Variants in OCIAD1 observed in about 807,000 individuals in gnomAD.
OCIAD1 encodes OCIA domain containing 1.
A neutral mutation model predicts 38.9 loss-of-function variants in OCIAD1; 29 were observed. That is an observed-to-expected ratio of 0.74 (90% CI 0.55 to 1.02). The LOEUF (loss-of-function observed/expected upper bound fraction) is 1.02. OCIAD1 is among the 50% of genes least tolerant of loss of function. The pLI is 0.00. For synonymous variants in OCIAD1, 110 were observed against 92.0 expected (o/e 1.20, Z -1.12); for missense variants, 288 against 289.6 (o/e 0.99, Z 0.04).
chr4:48,853,062 G>A (rs548593666), intron 7 of OCIAD1, among the ~76,000 whole-genome samples: 3 of 151,886 alleles, frequency 2.0e-5, no homozygotes, highest in Admixed American at 1.3e-4. Context: ...TGTATTTTTA[G>A]TAGAGATGGG....
chr4:48,833,571 C>T (rs549261488), intron 3 of OCIAD1, 90 bp downstream of exon 3: 24 of 773,294 alleles, frequency 3.1e-5, no homozygotes, highest in Middle Eastern at 2.4e-4. Flanking sequence ...ATAATAACTC[C>T]GTATAGAACA....
At chr4:48,821,209 A>G (rs1777191585) in intron 1 of OCIAD1, among the ~76,000 whole-genome samples, 1 of 152,216 alleles carries the variant, frequency 6.6e-6, no homozygotes, top group Non-Finnish European at 1.5e-5. Context: ...ACCACGATCA[A>G]GTCGACTTTA....
chr4:48,817,534 A>G (rs1777155233), intron 1 of OCIAD1, among the ~76,000 whole-genome samples: 1 of 152,092 alleles, frequency 6.6e-6, no homozygotes, highest in Non-Finnish European at 1.5e-5. Context: ...CTGCAGAAGT[A>G]TTTTTTCATA....
chr4:48,805,746 A>G (rs1777017981), intron 1 of OCIAD1, among the ~76,000 whole-genome samples: 1 of 151,808 alleles, frequency 6.6e-6, no homozygotes, highest in South Asian at 2.1e-4. Context: ...TTTCCTTTGT[A>G]TTCTATATTC....
chr4:48,854,497 A>G (rs1779828451), intron 7 of OCIAD1, among the ~76,000 whole-genome samples: 1 of 152,242 alleles, frequency 6.6e-6, no homozygotes, highest in Admixed American at 6.5e-5. Flanking sequence ...CTAGACATGC[A>G]CTAACTCTTT....
At chr4:48,819,739 A>AAAAAAAAT in intron 1 of OCIAD1, among the ~76,000 whole-genome samples, 1 of 147,336 alleles carries the variant, frequency 6.8e-6, no homozygotes, top group Non-Finnish European at 1.5e-5. Flanking sequence ...AAAAAAAAAA[A>AAAAAAAAT]AAAAAGGAGG....
At chr4:48,835,016 A>G (rs958541076) in intron 3 of OCIAD1, among the ~76,000 whole-genome samples, 2 of 152,090 alleles carry the variant, frequency 1.3e-5, no homozygotes, top group African/African-American at 4.8e-5. Flanking sequence ...TCACGTCAAC[A>G]TCCTTCTCCT....
intron 7 of OCIAD1, among the ~76,000 whole-genome samples, chr4:48,855,117 A>G (rs547604178): frequency 3.6e-4 from 55 of 152,372 alleles, no homozygotes; most frequent in African/African-American, 1.3e-3. Flanking sequence ...AAGAAAAAGT[A>G]TTAGACCTGG....
chr4:48,838,623 A>G (rs1222311446), intron 3 of OCIAD1, among the ~76,000 whole-genome samples: 2 of 152,248 alleles, frequency 1.3e-5, no homozygotes, highest in Non-Finnish European at 2.9e-5. Flanking sequence ...TAGATAGTCT[A>G]TGCTGTATGT....
chr4:48,852,105 G>T, intron 7 of OCIAD1, 130 bp downstream of exon 7: 1 of 671,818 alleles, frequency 1.5e-6, no homozygotes. Flanking sequence ...AACTCAGCAT[G>T]TTTGTTCATT....
At chr4:48,811,925 T>C (rs1278778565) in intron 1 of OCIAD1, among the ~76,000 whole-genome samples, 3 of 151,976 alleles carry the variant, frequency 2.0e-5, no homozygotes, top group Non-Finnish European at 4.4e-5. Context: ...AAGTTTGAGA[T>C]GCAAATTAGA....
At chr4:48,849,527 A>G (rs1355475397) in intron 5 of OCIAD1, among the ~76,000 whole-genome samples, 5 of 152,130 alleles carry the variant, frequency 3.3e-5, no homozygotes, top group Non-Finnish European at 7.4e-5. Flanking sequence ...TGTGCATATG[A>G]TATTCTGTTT....
At chr4:48,851,745 ACTT>A (rs1315376174) in intron 6 of OCIAD1, 58 bp from the exon 7 acceptor site, 5 of 898,216 alleles carry the variant, frequency 5.6e-6, no homozygotes, top group Non-Finnish European at 8.6e-6. Context: ...TTATTTTAAC[ACTT>A]CTTTAAGATA....
At chr4:48,822,208 C>T (rs1464836093) in intron 1 of OCIAD1, among the ~76,000 whole-genome samples, 7 of 152,048 alleles carry the variant, frequency 4.6e-5, no homozygotes, top group East Asian at 1.9e-4. Context: ...TATAGACAAA[C>T]GGAACAGAAC....
At chr4:48,819,372 C>A (rs1383187916) in intron 1 of OCIAD1, among the ~76,000 whole-genome samples, 1 of 152,110 alleles carries the variant, frequency 6.6e-6, no homozygotes, top group Admixed American at 6.6e-5. Context: ...ACCACTAGGT[C>A]TGCCTTACAA....
In OCIAD1 at chr4:48,851,945, C is replaced by T. The variant is rs1779519836; in HGVS notation, c.517C>T (p.Pro173Ser). Residue 173 changes from proline to serine, a missense_variant, in exon 7 of 9, where the codon CCC becomes TCC. Physicochemically the swap from Pro to Ser is moderately conservative, Grantham distance 74 (BLOSUM62 -1). Transcript: ENST00000264312. ...CAGTTCTTCTATGAATGAATCTGCT[C>T]CCACTGGTATTACTGATCATATTGT... ...PFSSSMNESA[P>S]TGITDHIVQG... 1 of 1,608,640 alleles carries T rather than the reference C, an allele frequency of 6.2e-7. No individual in the cohort carries two copies.
chr4:48,840,126 T>C (rs769579403), intron 3 of OCIAD1, among the ~76,000 whole-genome samples: 12 of 152,246 alleles, frequency 7.9e-5, no homozygotes, highest in Admixed American at 5.9e-4. Flanking sequence ...TATTCCTTTA[T>C]AGCATGAGAA....
rs1780124205 is a variant in OCIAD1, at chr4:48,857,276, A to T, written c.611A>T (p.Asn204Ile). 1 of 1,596,390 alleles carries T rather than the reference A, an allele frequency of 6.3e-7. No individual in the cohort carries two copies. The highest frequency in any genetic ancestry group is 8.5e-7 in the Non-Finnish European group (1 of 1,170,316). The change falls in exon 8 of 9, where the codon AAT (asparagine) becomes ATT (isoleucine). Residue 204 changes from asparagine to isoleucine, a missense_variant. Transcript: ENST00000264312. ...RKNITYEELR[N>I]KNRESYEVSL... ...AATATTACATATGAGGAATTAAGGA[A>T]TAAGAACAGAGAGTCATATGAAGTA...
chr4:48,836,236 G>A lies in OCIAD1; in HGVS notation c.139+2755G>A, dbSNP rs371195168. Among the ~76,000 whole-genome samples the A allele has an allele frequency of 2.5e-4, 38 of 152,270 alleles. 1 individual carries two copies. The South Asian group carries it at 7.5e-3, about 30-fold the overall frequency. On this transcript the variant is annotated intron_variant, in intron 3 of 8. Transcript: ENST00000264312. ...GTTGATTAGTGTGTCATTTGGACTG[G>A]AAAAGATGAGCTGGCAACGAAAGAC... is the stretch of plus-strand genomic sequence containing the variant.
Sources: gnomAD v4.1 joint callset for allele counts (sites outside exome capture counted in the v4.1 genomes callset) on GRCh38, gnomAD v4.1.1 for gene constraint, MANE v1.5 for transcripts, NCBI Gene and HGNC (gene_info 2026-07-23, HGNC 2026-07-21) for gene names.